ARHGAP24: variants seen among roughly 807,000 people sequenced by gnomAD.
ARHGAP24 encodes rho GTPase-activating protein 24.
ARHGAP24 carries 50 observed loss-of-function variants against 76.4 expected under a neutral mutation model. The observed-to-expected ratio is 0.65, with a 90% confidence interval of 0.52 to 0.83. The LOEUF (loss-of-function observed/expected upper bound fraction) is 0.83. ARHGAP24 is among the 40% of genes least tolerant of loss of function. ARHGAP24 has a pLI of 0.00. For synonymous variants in ARHGAP24, 345 were observed against 323.3 expected (o/e 1.07, Z -0.72); for missense variants, 930 against 914.2 (o/e 1.02, Z -0.22).
chr4:85,523,997 T>C (rs1319789458), intron 1 of ARHGAP24, among the ~76,000 whole-genome samples: 1 of 152,174 alleles, frequency 6.6e-6, no homozygotes, highest in Non-Finnish European at 1.5e-5. Context: ...CATTTTCATA[T>C]AGAGGTGGTG....
intron 2 of ARHGAP24, among the ~76,000 whole-genome samples, chr4:85,686,256 G>A (rs376624679): frequency 6.6e-6 from 1 of 151,936 alleles, no homozygotes. Flanking sequence ...TATTTAATAT[G>A]TCACATGATA....
chr4:85,736,012 C>T (rs1356768437), intron 3 of ARHGAP24, among the ~76,000 whole-genome samples: 1 of 152,120 alleles, frequency 6.6e-6, no homozygotes, highest in African/African-American at 2.4e-5. Flanking sequence ...CTTTGAGTTT[C>T]TCAAATGTGC....
At chr4:85,547,343 T>C (rs1041941381) in intron 1 of ARHGAP24, among the ~76,000 whole-genome samples, 3 of 152,220 alleles carry the variant, frequency 2.0e-5, no homozygotes, top group African/African-American at 7.2e-5. Context: ...GGATTCAGAA[T>C]ATACATTTTT....
chr4:85,801,623 A>G (rs956479947), intron 3 of ARHGAP24, among the ~76,000 whole-genome samples: 9 of 152,254 alleles, frequency 5.9e-5, no homozygotes, highest in African/African-American at 1.9e-4. Context: ...AGACTGTTAC[A>G]TTTCTCTGTA....
intron 3 of ARHGAP24, among the ~76,000 whole-genome samples, chr4:85,902,599 TG>T (rs1734562261): frequency 6.6e-6 from 1 of 152,164 alleles, no homozygotes; most frequent in South Asian, 2.1e-4. Context: ...ATCATACATC[TG>T]TTTTTTATTT....
intron 3 of ARHGAP24, among the ~76,000 whole-genome samples, chr4:85,743,184 T>C (rs1259043370): frequency 1.3e-5 from 2 of 151,024 alleles, no homozygotes; most frequent in African/African-American, 4.9e-5. Context: ...AAAAAAAAAA[T>C]CATGGTACTT....
At chr4:85,707,053 T>G (rs1453066666) in intron 2 of ARHGAP24, among the ~76,000 whole-genome samples, 1 of 152,154 alleles carries the variant, frequency 6.6e-6, no homozygotes, top group Non-Finnish European at 1.5e-5. Context: ...TAACTAGAGC[T>G]ATAGGAGCAT....
At chr4:85,595,567 G>A (rs548605263) in intron 2 of ARHGAP24, among the ~76,000 whole-genome samples, 1 of 152,096 alleles carries the variant, frequency 6.6e-6, no homozygotes, top group South Asian at 2.1e-4. Context: ...CTTTTCCTTT[G>A]AGGATTATGT....
intron 3 of ARHGAP24, among the ~76,000 whole-genome samples, chr4:85,841,939 A>C (rs1730613302): frequency 2.0e-5 from 3 of 152,216 alleles, no homozygotes; most frequent in Non-Finnish European, 4.4e-5. Flanking sequence ...AAGCATTCAC[A>C]CACAAGCCCT....
intron 2 of ARHGAP24, among the ~76,000 whole-genome samples, chr4:85,701,970 T>G (rs575331580): frequency 6.6e-6 from 1 of 152,234 alleles, no homozygotes; most frequent in African/African-American, 2.4e-5. Flanking sequence ...AACCAGAGAT[T>G]TGGACTCAGT....
chr4:85,940,905 C>T (rs1317334257), intron 4 of ARHGAP24, among the ~76,000 whole-genome samples: 1 of 152,086 alleles, frequency 6.6e-6, no homozygotes, highest in African/African-American at 2.4e-5. Context: ...TGAAATGTGA[C>T]GGTTTTGCAC....
At chr4:85,959,942 AT>A (rs375965465) in intron 5 of ARHGAP24, among the ~76,000 whole-genome samples, 1 of 152,016 alleles carries the variant, frequency 6.6e-6, no homozygotes, top group Non-Finnish European at 1.5e-5. Context: ...GATTATGGCT[AT>A]TTTTTACTTT....
chr4:85,728,369 ATCTC>A (rs558509278), intron 3 of ARHGAP24, among the ~76,000 whole-genome samples: 1 of 150,878 alleles, frequency 6.6e-6, no homozygotes, highest in Non-Finnish European at 1.5e-5. Flanking sequence ...AGACTTTATT[ATCTC>A]TCTCTCTCTC....
intron 2 of ARHGAP24, among the ~76,000 whole-genome samples, chr4:85,659,973 C>T (rs1722317473): frequency 6.6e-6 from 1 of 152,162 alleles, no homozygotes; most frequent in Non-Finnish European, 1.5e-5. Flanking sequence ...AGAGTGCCTG[C>T]AGCTGAACAA....
At chr4:85,922,015 CA>C (rs1173164831) in intron 3 of ARHGAP24, among the ~76,000 whole-genome samples, 7 of 152,084 alleles carry the variant, frequency 4.6e-5, no homozygotes, top group Non-Finnish European at 7.4e-5. Flanking sequence ...TGGAACTAGA[CA>C]TGTAAAAGAA....
intron 2 of ARHGAP24, among the ~76,000 whole-genome samples, chr4:85,694,080 C>T (rs1233044163): frequency 6.6e-6 from 1 of 152,154 alleles, no homozygotes; most frequent in Non-Finnish European, 1.5e-5. Flanking sequence ...AGCTTCCTAC[C>T]TCTTCAGCTT....
intron 1 of ARHGAP24, among the ~76,000 whole-genome samples, chr4:85,541,961 A>G (rs1351678998): frequency 1.3e-5 from 2 of 152,200 alleles, no homozygotes; most frequent in African/African-American, 4.8e-5. Context: ...TTATATATGT[A>G]TTCCTATGCA....
chr4:85,735,867 T>C (rs924785747), intron 3 of ARHGAP24, among the ~76,000 whole-genome samples: 3 of 152,210 alleles, frequency 2.0e-5, no homozygotes, highest in Non-Finnish European at 4.4e-5. Context: ...TGATATTTTT[T>C]ATATTCAAGT....
intron 1 of ARHGAP24, among the ~76,000 whole-genome samples, chr4:85,544,073 C>G (rs973632052): frequency 6.6e-6 from 1 of 152,320 alleles, no homozygotes; most frequent in Non-Finnish European, 1.5e-5. Flanking sequence ...CACTGCCAGC[C>G]TTTTGCCTCT....
Sources: allele counts gnomAD v4.1 joint callset (sites outside exome capture counted in the v4.1 genomes callset), GRCh38; gene constraint gnomAD v4.1.1; transcripts MANE v1.5; gene names NCBI Gene and HGNC (gene_info 2026-07-23, HGNC 2026-07-21).